Variants in SLIT2 observed in about 807,000 individuals in gnomAD.
The protein encoded by SLIT2 is slit guidance ligand 2.
A neutral mutation model predicts 185.7 loss-of-function variants in SLIT2; 41 were observed. The observed-to-expected ratio is 0.22, with a 90% confidence interval of 0.17 to 0.29. SLIT2 has a LOEUF of 0.29. SLIT2 is among the 10% of genes least tolerant of loss of function. The probability of loss-of-function intolerance (pLI) is 1.00; values close to 1 mark genes in which losing one functional copy is unlikely to be tolerated. For synonymous variants in SLIT2, 693 were observed against 680.2 expected (o/e 1.02, Z -0.29); for missense variants, 1,571 against 1,909.0 (o/e 0.82, Z 3.30).
intron 9 of SLIT2, among the ~76,000 whole-genome samples, chr4:20,497,792 A>T (rs571367): frequency 0.71 from 107,395 of 151,420 alleles, 38,270 homozygotes; most frequent in East Asian, 0.91. Context: ...ATGGGTGGGG[A>T]AGACAGTGTT....
At chr4:20,295,782 G>A (rs543774080) in intron 4 of SLIT2, among the ~76,000 whole-genome samples, 35 of 152,232 alleles carry the variant, frequency 2.3e-4, no homozygotes, top group African/African-American at 7.7e-4. Context: ...TGCCGAAAAG[G>A]CATAATTGTA....
intron 4 of SLIT2, among the ~76,000 whole-genome samples, chr4:20,335,492 T>C (rs1228781713): frequency 6.6e-6 from 1 of 152,196 alleles, no homozygotes; most frequent in Non-Finnish European, 1.5e-5. Flanking sequence ...TGAGCTTATA[T>C]TATGTAACAG....
chr4:20,312,771 CAAAAAAA>C (rs34372893), intron 4 of SLIT2, among the ~76,000 whole-genome samples: 1 of 102,168 alleles, frequency 9.8e-6, no homozygotes, highest in African/African-American at 4.1e-5. Flanking sequence ...GACTTTGTCT[CAAAAAAA>C]AAAAAAAAAA....
chr4:20,419,667 CTGTGTGTGTGTG>C (rs55679047), intron 4 of SLIT2, among the ~76,000 whole-genome samples: 46 of 138,084 alleles, frequency 3.3e-4, no homozygotes, highest in African/African-American at 7.4e-4. Flanking sequence ...AAGTTTTAAG[CTGTGTGTGTGTG>C]TGTGTGTGTG....
intron 36 of SLIT2, 73 bp downstream of exon 36, chr4:20,617,723 G>T: frequency 6.5e-5 from 46 of 703,120 alleles, no homozygotes; most frequent in Non-Finnish European, 6.9e-5. Flanking sequence ...AAAAGAGAGG[G>T]AGAAAAAGTG....
chr4:20,394,204 A>C (rs912591147), intron 4 of SLIT2, among the ~76,000 whole-genome samples: 2 of 152,016 alleles, frequency 1.3e-5, no homozygotes, highest in Non-Finnish European at 2.9e-5. Context: ...TGAAAAAAAA[A>C]CATGAAAAAG....
chr4:20,363,117 A>G (rs534843530), intron 4 of SLIT2, among the ~76,000 whole-genome samples: 1 of 152,232 alleles, frequency 6.6e-6, no homozygotes, highest in East Asian at 1.9e-4. Context: ...AAAAATATAT[A>G]TTGTTTTAAA....
At position 20,533,245 on chromosome 4, in the gene SLIT2, T is replaced by C. The variant is rs114153425; in HGVS notation, c.1689-327T>C. The stretch of plus-strand genomic sequence containing the variant: ...ATTTGACAATTTTAATCAGGGACTT[T>C]TTTTGAAAAGTTTCTTGTTAGGTTT... On this transcript the variant is annotated intron_variant, in intron 17 of 36. Coordinates refer to ENST00000504154, the MANE Select transcript of SLIT2 (RefSeq NM_004787.4). Among the ~76,000 whole-genome samples the C allele has an allele frequency of 3.5e-3, 537 of 152,358 alleles. 1 individual carries two copies. The highest frequency in any genetic ancestry group is 0.012 in the African/African-American group (517 of 41,592).
chr4:20,452,494 C>G (rs1041170545), intron 4 of SLIT2, among the ~76,000 whole-genome samples: 1 of 152,014 alleles, frequency 6.6e-6, no homozygotes, highest in Non-Finnish European at 1.5e-5. Context: ...AAACCGTCCT[C>G]TTATTCCTTC....
intron 4 of SLIT2, among the ~76,000 whole-genome samples, chr4:20,404,891 A>G (rs1320188364): frequency 5.3e-5 from 8 of 152,140 alleles, no homozygotes; most frequent in African/African-American, 1.9e-4. Context: ...TAGAAATAGC[A>G]TTTAAAGGGT....
intron 4 of SLIT2, among the ~76,000 whole-genome samples, chr4:20,320,177 G>C (rs1418191976): frequency 2.0e-5 from 3 of 152,086 alleles, no homozygotes; most frequent in African/African-American, 7.2e-5. Flanking sequence ...TCTATAAGTT[G>C]GTATATTTAT....
At chr4:20,391,288 G>C (rs1725393178) in intron 4 of SLIT2, among the ~76,000 whole-genome samples, 1 of 151,986 alleles carries the variant, frequency 6.6e-6, no homozygotes, top group Non-Finnish European at 1.5e-5. Flanking sequence ...AAAGCATCTT[G>C]ATATTCCTGA....
chr4:20,555,519 C>T (rs997964376), intron 26 of SLIT2, among the ~76,000 whole-genome samples: 1 of 151,976 alleles, frequency 6.6e-6, no homozygotes, highest in Non-Finnish European at 1.5e-5. Context: ...AAAAGACTGC[C>T]TCAAACACAG....
At chr4:20,557,170 T>A (rs1281006971) in intron 26 of SLIT2, among the ~76,000 whole-genome samples, 1 of 152,102 alleles carries the variant, frequency 6.6e-6, no homozygotes, top group Non-Finnish European at 1.5e-5. Context: ...CTACAGCAAG[T>A]TACCCAGAAG....
chr4:20,515,710 CA>C (rs1157043674), intron 11 of SLIT2, among the ~76,000 whole-genome samples: 3 of 152,264 alleles, frequency 2.0e-5, no homozygotes, highest in East Asian at 1.9e-4. Flanking sequence ...ATTTCCTTGA[CA>C]TTTTTTTGAA....
At chr4:20,490,141 T>C (rs79753557) in intron 8 of SLIT2, among the ~76,000 whole-genome samples, 3,149 of 152,258 alleles carry the variant, frequency 0.021, 48 homozygotes, top group Non-Finnish European at 0.031. Flanking sequence ...ACATAGGCTG[T>C]GTCTAATATC....
At chr4:20,350,639 A>G (rs7666014) in intron 4 of SLIT2, among the ~76,000 whole-genome samples, 91,289 of 152,048 alleles carry the variant, frequency 0.6, 28,302 homozygotes, top group African/African-American at 0.74. Flanking sequence ...AAATAAAAAT[A>G]TGGAAGCTAG....
At chr4:20,514,788 AT>A (rs1031732827) in intron 11 of SLIT2, among the ~76,000 whole-genome samples, 1 of 151,496 alleles carries the variant, frequency 6.6e-6, no homozygotes, top group African/African-American at 2.4e-5. Flanking sequence ...ATTATCATTT[AT>A]TTTTATTACG....
intron 3 of SLIT2, among the ~76,000 whole-genome samples, chr4:20,267,194 G>A (rs1358099720): frequency 6.6e-6 from 1 of 151,932 alleles, no homozygotes; most frequent in African/African-American, 2.4e-5. Flanking sequence ...CTAGACTCTG[G>A]AAGTACACTG....
Sources: allele counts gnomAD v4.1 joint callset (sites outside exome capture counted in the v4.1 genomes callset), GRCh38; gene constraint gnomAD v4.1.1; transcripts MANE v1.5; gene names NCBI Gene and HGNC (gene_info 2026-07-23, HGNC 2026-07-21).